Variants in TAOK3 observed in about 807,000 individuals in gnomAD.
The protein encoded by TAOK3 is TAO kinase 3, also known as serine/threonine-protein kinase TAO3.
Under a neutral mutation model 120.4 loss-of-function variants are expected in TAOK3, and 40 were observed. The ratio of observed to expected loss-of-function variants is 0.33; its 90% CI spans 0.26 to 0.43. The LOEUF (loss-of-function observed/expected upper bound fraction) is 0.43, where lower values mean the gene tolerates loss of function less well. Ranked by LOEUF, TAOK3 falls within the 20% of genes least tolerant of loss-of-function variation. The pLI, the probability that TAOK3 is intolerant of heterozygous loss-of-function variation, is 1.00. For missense variants in TAOK3, 821 were observed against 1,112.1 expected (o/e 0.74, Z 3.72); for synonymous variants, 355 against 387.5 (o/e 0.92, Z 0.99).
chr12:118,353,802 G>T (rs1466772067), intron 1 of TAOK3, among the ~76,000 whole-genome samples: 1 of 152,084 alleles, frequency 6.6e-6, no homozygotes, highest in Non-Finnish European at 1.5e-5. Flanking sequence ...AGACAAAGGG[G>T]TTACATTACA....
intron 17 of TAOK3, among the ~76,000 whole-genome samples, chr12:118,162,642 T>C (rs1459483244): frequency 6.6e-6 from 1 of 152,052 alleles, no homozygotes; most frequent in East Asian, 1.9e-4. Flanking sequence ...TTTTTTAAAA[T>C]CTCAGAGTTC....
chr12:118,350,168 T>C (rs926786951), intron 1 of TAOK3, among the ~76,000 whole-genome samples: 1 of 152,232 alleles, frequency 6.6e-6, no homozygotes, highest in African/African-American at 2.4e-5. Flanking sequence ...AGCTTTTGTA[T>C]TGTCATATAT....
intron 1 of TAOK3, among the ~76,000 whole-genome samples, chr12:118,271,525 A>C (rs2041698878): frequency 6.6e-6 from 1 of 152,226 alleles, no homozygotes; most frequent in Non-Finnish European, 1.5e-5. Context: ...TTTTATTGCC[A>C]AATAATATTC....
At chr12:118,355,636 T>C (rs1223556656) in intron 1 of TAOK3, among the ~76,000 whole-genome samples, 1 of 152,218 alleles carries the variant, frequency 6.6e-6, no homozygotes, top group African/African-American at 2.4e-5. Context: ...ATTATAACGC[T>C]GATTTTATTA....
chr12:118,160,315 T>G lies in TAOK3; in HGVS notation c.2183A>C (p.Lys728Thr). The G allele has an allele frequency of 1.9e-6, 3 of 1,614,206 alleles. No homozygotes were observed. The highest frequency in any genetic ancestry group is 2.5e-6 in the Non-Finnish European group (3 of 1,180,026). ...TGCTTTATACTGTTTGGTCTGTACT[T>G]TGCAAGTGTCCTGAAACTGTTTTTT... ...QIKKQFQDTC[K>T]VQTKQYKALK... is the part of the protein sequence containing the mutation. Residue 728 changes from lysine to threonine, a missense_variant, in exon 19 of 21, where the codon AAA becomes ACA. Transcript: ENST00000392533. The surrounding 1 kb of genome is among the most constrained non-coding windows in gnomAD (Gnocchi z 4.2).
At chr12:118,234,983 A>AT (rs1185072085) in intron 8 of TAOK3, among the ~76,000 whole-genome samples, 1 of 152,106 alleles carries the variant, frequency 6.6e-6, no homozygotes, top group Admixed American at 6.6e-5. Context: ...AGACTAGCTG[A>AT]TTTTTTTTAG....
At chr12:118,319,152 T>C (rs1178551146) in intron 1 of TAOK3, among the ~76,000 whole-genome samples, 2 of 152,254 alleles carry the variant, frequency 1.3e-5, no homozygotes, top group Non-Finnish European at 2.9e-5. Flanking sequence ...TCTAGCTTGA[T>C]GTATTCATTC....
rs374398465 is a variant in TAOK3, at chr12:118,202,735, T to C, written c.820-1272A>G. On this transcript the variant is annotated intron_variant, in intron 11 of 20. Transcript: ENST00000392533. ...GGCTTGTACCTTTTAAATCTGAAAC[T>C]ACATAATAAGCAGAAGCAATGCATA... 6.0e-5 allele frequency among the ~76,000 whole-genome samples: 9 copies of C among 150,506 alleles called. No individual in the cohort carries two copies. The East Asian group carries it at 1.0e-3, about 17-fold the overall frequency.
In TAOK3 at chr12:118,201,508, T is replaced by A. The variant is rs752934750; in HGVS notation, c.820-45A>T. On this transcript the variant is annotated intron_variant, in intron 11 of 20. Transcript: ENST00000392533. The stretch of plus-strand genomic sequence containing the variant: ...AAAATAAACTGATAATGAAGAAATG[T>A]CCTTAGGTGCAAGGTACAGATATAA... The A allele has an allele frequency of 5.8e-6, 9 of 1,559,298 alleles. No homozygotes were observed. In the South Asian group the frequency reaches 1.1e-4, roughly 18 times the overall value.
chr12:118,322,716 ACCTTT>A (rs2043767401), intron 1 of TAOK3, among the ~76,000 whole-genome samples: 1 of 142,310 alleles, frequency 7.0e-6, no homozygotes, highest in African/African-American at 2.6e-5. Context: ...AAATTTAAAA[ACCTTT>A]TTTTTTTTTT....
chr12:118,204,270 A>G (rs991926228), intron 11 of TAOK3, among the ~76,000 whole-genome samples: 1 of 152,106 alleles, frequency 6.6e-6, no homozygotes, highest in African/African-American at 2.4e-5. Flanking sequence ...AAAAAAAAAA[A>G]AGACATTATT....
intron 1 of TAOK3, among the ~76,000 whole-genome samples, chr12:118,363,258 T>A (rs2045654717): frequency 6.6e-6 from 1 of 152,054 alleles, no homozygotes; most frequent in Non-Finnish European, 1.5e-5. Flanking sequence ...ATTCTTCTCT[T>A]AGGAATGCAC....
At chr12:118,334,598 G>A (rs1163602567) in intron 1 of TAOK3, among the ~76,000 whole-genome samples, 2 of 152,136 alleles carry the variant, frequency 1.3e-5, no homozygotes, top group African/African-American at 2.4e-5. Context: ...TTCGGAGGCC[G>A]GGTGTGGTGG....
chr12:118,366,251 G>A (rs1040411922), intron 1 of TAOK3, among the ~76,000 whole-genome samples: 4 of 151,926 alleles, frequency 2.6e-5, no homozygotes, highest in African/African-American at 4.8e-5. Context: ...GCGAAAGAGC[G>A]AGACTCAATC....
At chr12:118,245,151 G>A (rs1261224280) in intron 3 of TAOK3, among the ~76,000 whole-genome samples, 186 bp from the exon 4 acceptor site, 1 of 152,026 alleles carries the variant, frequency 6.6e-6, no homozygotes, top group Non-Finnish European at 1.5e-5. Flanking sequence ...TCCTGTTTCA[G>A]CCTCCCAAGC....
intron 16 of TAOK3, among the ~76,000 whole-genome samples, chr12:118,176,212 C>CT (rs965405319): frequency 6.6e-6 from 1 of 151,922 alleles, no homozygotes; most frequent in Non-Finnish European, 1.5e-5. Flanking sequence ...TCAGGGAGGG[C>CT]TTGGGGGTAG....
chr12:118,234,402 G>T (rs1227080453), intron 8 of TAOK3, among the ~76,000 whole-genome samples: 2 of 150,850 alleles, frequency 1.3e-5, no homozygotes, highest in African/African-American at 4.9e-5. Context: ...CTGCCACCAT[G>T]CCTGACTAAT....
intron 1 of TAOK3, among the ~76,000 whole-genome samples, chr12:118,368,512 T>TA (rs991583467): frequency 7.2e-6 from 1 of 138,228 alleles, no homozygotes; most frequent in Non-Finnish European, 1.6e-5. Flanking sequence ...TATTTTTTTT[T>TA]AACAGAAAAT....
At position 118,191,872 on chromosome 12, in the gene TAOK3, G is replaced by A. The variant is rs528209955; in HGVS notation, c.1195-1931C>T. Among the ~76,000 whole-genome samples, 3 of 152,256 alleles carry A rather than the reference G, an allele frequency of 2.0e-5. No homozygotes were observed. The South Asian group carries it at 6.2e-4, about 32-fold the overall frequency. ...AATCAAAAGAGATATGCTAGGTAGA[G>A]GCCTGTGATTTTATAGGAGGCTTTA... is the stretch of plus-strand genomic sequence containing the variant. On this transcript the variant is annotated intron_variant, in intron 13 of 20. Transcript: ENST00000392533.
Sources: allele counts gnomAD v4.1 joint callset (sites outside exome capture counted in the v4.1 genomes callset), GRCh38; gene constraint gnomAD v4.1.1; non-coding constraint Gnocchi (gnomAD v3.1); transcripts MANE v1.5; gene names NCBI Gene and HGNC (gene_info 2026-07-23, HGNC 2026-07-21).